The following CPNE8 variants were observed in gnomAD, a reference collection of about 807,000 sequenced individuals.
The protein encoded by CPNE8 is copine-8.
In CPNE8, 45 loss-of-function variants were observed where a neutral mutation model predicts 81.5. The ratio of observed to expected loss-of-function variants is 0.55; its 90% CI spans 0.44 to 0.71. The LOEUF is 0.71. Among genes scored for constraint, CPNE8 ranks in the 30% least tolerant of loss-of-function variants. CPNE8 has a pLI of 0.00. For synonymous variants in CPNE8, 252 were observed against 226.3 expected (o/e 1.11, Z -1.02); for missense variants, 594 against 672.1 (o/e 0.88, Z 1.28).
chr12:38,695,847 G>C (rs887245221), intron 14 of CPNE8, among the ~76,000 whole-genome samples: 1 of 152,074 alleles, frequency 6.6e-6, no homozygotes, highest in Non-Finnish European at 1.5e-5. Flanking sequence ...GCTGAGATGT[G>C]GGAGATCACT....
intron 6 of CPNE8, among the ~76,000 whole-genome samples, chr12:38,805,979 A>C (rs1369967208): frequency 6.7e-6 from 1 of 150,340 alleles, no homozygotes; most frequent in African/African-American, 2.4e-5. Context: ...AAACACCTCT[A>C]CGCAAATAAA....
chr12:38,704,826 G>GTGTATATATGTGTATA (rs1249607170), intron 13 of CPNE8, among the ~76,000 whole-genome samples: 1 of 50,200 alleles, frequency 2.0e-5, no homozygotes, highest in African/African-American at 4.6e-5. Flanking sequence ...GTATGTATGT[G>GTGTATATATGTGTATA]TATATATATA....
intron 6 of CPNE8, among the ~76,000 whole-genome samples, chr12:38,798,047 T>C (rs1286517491): frequency 3.3e-5 from 5 of 152,086 alleles, no homozygotes; most frequent in African/African-American, 1.2e-4. Context: ...TATGGGACTA[T>C]GTGAAAAGAC....
chr12:38,687,451 G>A (rs529860016), intron 15 of CPNE8, among the ~76,000 whole-genome samples: 24 of 141,050 alleles, frequency 1.7e-4, no homozygotes, highest in South Asian at 4.4e-4. Context: ...GCCGGATCTC[G>A]GTTCACTGCA....
At chr12:38,717,096 T>G (rs1940413177) in intron 13 of CPNE8, among the ~76,000 whole-genome samples, 1 of 152,002 alleles carries the variant, frequency 6.6e-6, no homozygotes, top group Admixed American at 6.6e-5. Context: ...AGATACCACC[T>G]TATTCCTGCA....
At chr12:38,730,170 A>C (rs745949156) in intron 11 of CPNE8, 113 bp downstream of exon 11, 9 of 691,340 alleles carry the variant, frequency 1.3e-5, no homozygotes, top group Non-Finnish European at 2.3e-5. Context: ...AGATTCTTAC[A>C]TACACTGATA....
At chr12:38,760,992 TG>T in intron 9 of CPNE8, 104 bp from the exon 10 acceptor site, 1 of 821,348 alleles carries the variant, frequency 1.2e-6, no homozygotes, top group South Asian at 1.6e-5. Context: ...AAACAATGTA[TG>T]CTTGCAGATT....
chr12:38,749,620 T>C (rs1941309952), intron 10 of CPNE8, among the ~76,000 whole-genome samples: 1 of 152,212 alleles, frequency 6.6e-6, no homozygotes, highest in Non-Finnish European at 1.5e-5. Flanking sequence ...AAGATGACTC[T>C]TGTTATGTTT....
At chr12:38,798,585 T>G (rs981097204) in intron 6 of CPNE8, among the ~76,000 whole-genome samples, 1 of 152,036 alleles carries the variant, frequency 6.6e-6, no homozygotes, top group Non-Finnish European at 1.5e-5. Flanking sequence ...TACCAGCCAC[T>G]GCAAAAACAT....
At chr12:38,687,845 A>C (rs932926457) in intron 15 of CPNE8, among the ~76,000 whole-genome samples, 4 of 152,172 alleles carry the variant, frequency 2.6e-5, no homozygotes, top group Admixed American at 6.5e-5. Context: ...ACATTTTTGA[A>C]AGTATAAAAA....
chr12:38,814,977 G>A (rs568923417), intron 6 of CPNE8, among the ~76,000 whole-genome samples: 4 of 151,990 alleles, frequency 2.6e-5, no homozygotes, highest in Admixed American at 6.6e-5. Flanking sequence ...AATACCTTAC[G>A]TATGATACTT....
At chr12:38,888,932 T>C (rs1478331122) in intron 1 of CPNE8, among the ~76,000 whole-genome samples, 1 of 152,246 alleles carries the variant, frequency 6.6e-6, no homozygotes, top group Admixed American at 6.5e-5. Context: ...GCCTTTCTTC[T>C]ACTAACGTTC....
At chr12:38,803,749 T>A (rs1942748259) in intron 6 of CPNE8, among the ~76,000 whole-genome samples, 4 of 144,770 alleles carry the variant, frequency 2.8e-5, no homozygotes, top group South Asian at 2.4e-4. Context: ...TGATTGTTTA[T>A]CTAGAAAACC....
chr12:38,713,236 A>G (rs1326927139), intron 13 of CPNE8, among the ~76,000 whole-genome samples: 1 of 152,116 alleles, frequency 6.6e-6, no homozygotes, highest in Non-Finnish European at 1.5e-5. Flanking sequence ...TCCTTATTGA[A>G]TTTCTTATTC....
intron 10 of CPNE8, among the ~76,000 whole-genome samples, chr12:38,744,193 G>T (rs1941174115): frequency 6.6e-6 from 1 of 152,198 alleles, no homozygotes; most frequent in Non-Finnish European, 1.5e-5. Flanking sequence ...ATCTGTGTCT[G>T]TTGGGAAGCA....
At chr12:38,681,317 C>T (rs748214780) in intron 16 of CPNE8, among the ~76,000 whole-genome samples, 1 of 152,022 alleles carries the variant, frequency 6.6e-6, no homozygotes, top group Non-Finnish European at 1.5e-5. Flanking sequence ...TTTATTCAAA[C>T]TGCATTCCAC....
intron 6 of CPNE8, among the ~76,000 whole-genome samples, chr12:38,797,230 G>A (rs528139643): frequency 2.0e-4 from 31 of 152,278 alleles, no homozygotes; most frequent in African/African-American, 4.3e-4. Context: ...ATCTGAGAAC[G>A]GGCAGACTGC....
chr12:38,779,770 G>A (rs952024896), intron 6 of CPNE8, among the ~76,000 whole-genome samples: 1 of 152,046 alleles, frequency 6.6e-6, no homozygotes, highest in Non-Finnish European at 1.5e-5. Context: ...CACCCACCAT[G>A]AGTTAGACTC....
chr12:38,791,883 A>G (rs1456540745), intron 6 of CPNE8, among the ~76,000 whole-genome samples: 3 of 151,638 alleles, frequency 2.0e-5, no homozygotes, highest in Non-Finnish European at 3.0e-5. Flanking sequence ...CATGCAAAGC[A>G]TATTTTTCAA....
Sources: allele counts gnomAD v4.1 joint callset (sites outside exome capture counted in the v4.1 genomes callset), GRCh38; gene constraint gnomAD v4.1.1; transcripts MANE v1.5; gene names NCBI Gene and HGNC (gene_info 2026-07-23, HGNC 2026-07-21).